RBFOX1: variants seen among roughly 807,000 people sequenced by gnomAD.
RBFOX1 encodes the protein RNA binding protein fox-1 homolog 1.
In RBFOX1, 8 loss-of-function variants were observed where a neutral mutation model predicts 57.7. The ratio of observed to expected loss-of-function variants is 0.14; its 90% CI spans 0.08 to 0.25. The LOEUF (loss-of-function observed/expected upper bound fraction) is 0.25. Among genes scored for constraint, RBFOX1 ranks in the 10% least tolerant of loss-of-function variants. The pLI, the probability that RBFOX1 is intolerant of heterozygous loss-of-function variation, is 1.00. For synonymous variants in RBFOX1, 326 were observed against 222.4 expected (o/e 1.47, Z -4.15); for missense variants, 611 against 548.5 (o/e 1.11, Z -1.14).
At chr16:6,509,209 G>A (rs547043921) in intron 2 of RBFOX1, among the ~76,000 whole-genome samples, 4 of 152,236 alleles carry the variant, frequency 2.6e-5, no homozygotes, top group Admixed American at 2.6e-4. Context: ...ATTTTTGGGG[G>A]GAGCTGGCCA....
intron 1 of RBFOX1, among the ~76,000 whole-genome samples, chr16:6,292,482 A>G (rs187656846): frequency 6.6e-6 from 1 of 152,082 alleles, no homozygotes; most frequent in African/African-American, 2.4e-5. Flanking sequence ...TGTCAAATAC[A>G]TACGTTTGAA....
rs995070688 is a variant in RBFOX1, at chr16:5,946,063, G to C, written c.351+78728G>C. On this transcript the variant is annotated intron_variant, in intron 4 of 19. Coordinates refer to the RBFOX1 transcript ENST00000641259. This position sits in a 1 kb window ranked among gnomAD's most constrained non-coding sequence, Gnocchi z 4.6. ...CTTTGTTTGCTAGTAAAGTGAGGGGGAGACAGGGTTTTAATTAGTGGACTG... is the reference window on the plus strand; with the variant it reads ...CTTTGTTTGCTAGTAAAGTGAGGGGCAGACAGGGTTTTAATTAGTGGACTG... 6.6e-6 allele frequency among the ~76,000 whole-genome samples: 1 copy of C among 152,210 alleles called. No individual in the cohort carries two copies. Among genetic ancestry groups the C allele is most frequent in the African/African-American group, 2.4e-5 (1 of 41,452 alleles).
At chr16:6,553,763 G>A (rs1293927697) in intron 2 of RBFOX1, among the ~76,000 whole-genome samples, 1 of 152,190 alleles carries the variant, frequency 6.6e-6, no homozygotes, top group Non-Finnish European at 1.5e-5. Context: ...GAGGTGGCAG[G>A]TGAACCAGGG....
At chr16:5,274,487 C>T (rs1001156030) in intron 1 of RBFOX1, among the ~76,000 whole-genome samples, 2 of 152,176 alleles carry the variant, frequency 1.3e-5, no homozygotes, top group African/African-American at 4.8e-5. Context: ...CAAGATTGCA[C>T]CACTGCACCC....
At chr16:5,473,886 G>A (rs1483667907) in intron 2 of RBFOX1, among the ~76,000 whole-genome samples, 1 of 149,646 alleles carries the variant, frequency 6.7e-6, no homozygotes, top group South Asian at 2.2e-4. Context: ...GATGTAAGGG[G>A]GGTGGGTAAA....
chr16:7,531,649 C>G (rs974513604), intron 5 of RBFOX1, among the ~76,000 whole-genome samples: 1 of 152,058 alleles, frequency 6.6e-6, no homozygotes, highest in South Asian at 2.1e-4. Context: ...TGTGATCATA[C>G]CACGATTACG....
intron 1 of RBFOX1, among the ~76,000 whole-genome samples, chr16:6,235,232 C>G (rs1047934067): frequency 6.6e-6 from 1 of 152,110 alleles, no homozygotes; most frequent in Non-Finnish European, 1.5e-5. Flanking sequence ...ACCCTTCTTC[C>G]ATGTGGTCAT....
intron 4 of RBFOX1, among the ~76,000 whole-genome samples, chr16:5,870,252 G>A (rs1422431704): frequency 6.6e-6 from 1 of 151,194 alleles, no homozygotes; most frequent in Middle Eastern, 3.4e-3. Context: ...GGCAGAAAGG[G>A]ACCTAATGGG....
At chr16:7,699,849 G>C (rs1291425978) in intron 14 of RBFOX1, among the ~76,000 whole-genome samples, 3 of 151,960 alleles carry the variant, frequency 2.0e-5, no homozygotes, top group African/African-American at 7.3e-5. Flanking sequence ...TTTTCATTTG[G>C]CTCAAATGAA....
intron 1 of RBFOX1, among the ~76,000 whole-genome samples, chr16:6,066,006 G>A (rs2095756326): frequency 6.6e-6 from 1 of 152,110 alleles, no homozygotes; most frequent in East Asian, 1.9e-4. Context: ...ACACTTTAAT[G>A]GTAGTATTAA....
In RBFOX1 at chr16:5,483,580, A is replaced by G. The variant is rs57047384; in HGVS notation, c.258+16326A>G. On this transcript the variant is annotated intron_variant, in intron 2 of 2. Transcript: ENST00000585867. ...CGTAGCTGTCAGGCTCTGCATTTTG[A>G]AGTGTGAAATACGGTGAACTTGCTA... Among the ~76,000 whole-genome samples the G allele has an allele frequency of 6.5e-3, 994 of 152,208 alleles. 12 individuals carry two copies. The highest frequency in any genetic ancestry group is 0.023 in the African/African-American group (959 of 41,520).
intron 3 of RBFOX1, among the ~76,000 whole-genome samples, chr16:5,803,725 A>C (rs1423484677): frequency 1.3e-5 from 2 of 152,196 alleles, no homozygotes; most frequent in Non-Finnish European, 2.9e-5. Context: ...GGTATATCAG[A>C]GTGAATAGGA....
chr16:7,493,812 A>G (rs1016742772), intron 4 of RBFOX1, among the ~76,000 whole-genome samples: 5 of 152,232 alleles, frequency 3.3e-5, no homozygotes, highest in African/African-American at 1.2e-4. Flanking sequence ...GTGTGAAGCC[A>G]CAATGTTTCT....
At chr16:6,661,552 C>T (rs2098701712) in intron 3 of RBFOX1, among the ~76,000 whole-genome samples, 1 of 152,182 alleles carries the variant, frequency 6.6e-6, no homozygotes, top group Admixed American at 6.5e-5. Context: ...AGTTACACAG[C>T]ACCAAGAAGG....
chr16:7,232,854 T>TAAAAAA (rs35209426), intron 4 of RBFOX1, among the ~76,000 whole-genome samples: 1 of 128,644 alleles, frequency 7.8e-6, no homozygotes, highest in African/African-American at 2.9e-5. Flanking sequence ...ATCTCTTAAT[T>TAAAAAA]AAAAAAAAAA....
At chr16:6,765,545 G>C (rs963241904) in intron 3 of RBFOX1, among the ~76,000 whole-genome samples, 1 of 152,040 alleles carries the variant, frequency 6.6e-6, no homozygotes, top group Non-Finnish European at 1.5e-5. Flanking sequence ...AAAGAATGCT[G>C]GTGGGAATGT....
intron 4 of RBFOX1, among the ~76,000 whole-genome samples, chr16:7,306,026 T>C (rs1457743332): frequency 6.6e-6 from 1 of 152,234 alleles, no homozygotes; most frequent in Non-Finnish European, 1.5e-5. Flanking sequence ...GTTGGATTTA[T>C]CAAATTATTA....
rs138128160 is a variant in RBFOX1 at position 6,040,463 on chromosome 16, G to A, written c.-127+20471G>A. Among the ~76,000 whole-genome samples the A allele has an allele frequency of 9.2e-5, 14 of 152,320 alleles. No individual in the cohort carries two copies. In the East Asian group the frequency reaches 2.7e-3, roughly 29 times the overall value. On this transcript the variant is annotated intron_variant, in intron 1 of 15. Transcript: ENST00000550418. ...AAATAAGTGGAATCATGCAGCATAT[G>A]TCCTTTTGTGGCTGGTTTCTTTTGC...
chr16:7,242,640 A>C (rs1025502788), intron 4 of RBFOX1, among the ~76,000 whole-genome samples: 1 of 152,214 alleles, frequency 6.6e-6, no homozygotes, highest in Non-Finnish European at 1.5e-5. Context: ...GATGCTCAGC[A>C]TGCAGTCAAT....
Sources: gnomAD v4.1 joint callset for allele counts (sites outside exome capture counted in the v4.1 genomes callset) on GRCh38, gnomAD v4.1.1 for gene constraint, Gnocchi (gnomAD v3.1) non-coding constraint, MANE v1.5 for transcripts, NCBI Gene and HGNC (gene_info 2026-07-23, HGNC 2026-07-21) for gene names.